The following ACOT7 variants were observed in gnomAD, a reference collection of about 807,000 sequenced individuals.
ACOT7 encodes the protein cytosolic acyl coenzyme A thioester hydrolase.
ACOT7 carries 12 observed loss-of-function variants against 40.2 expected under a neutral mutation model. That is an observed-to-expected ratio of 0.30 (90% CI 0.19 to 0.48). The LOEUF is 0.48. Ranked by LOEUF, ACOT7 falls within the 20% of genes least tolerant of loss-of-function variation. ACOT7 has a pLI of 0.99. For missense variants in ACOT7, 395 were observed against 530.8 expected (o/e 0.74, Z 2.51); for synonymous variants, 228 against 219.5 (o/e 1.04, Z -0.34).
At chr1:6,315,942 T>A (rs1052679849) in intron 6 of ACOT7, among the ~76,000 whole-genome samples, 2 of 152,100 alleles carry the variant, frequency 1.3e-5, no homozygotes, top group Non-Finnish European at 2.9e-5. Flanking sequence ...GAACATGACA[T>A]GCTGCGGACT....
At chr1:6,337,159 T>C (rs1246279781) in intron 3 of ACOT7, among the ~76,000 whole-genome samples, 2 of 151,948 alleles carry the variant, frequency 1.3e-5, no homozygotes, top group Non-Finnish European at 2.9e-5. Context: ...GGAGGAGGGG[T>C]GGGCATCTCT....
At position 6,330,471 on chromosome 1, in the gene ACOT7, G is replaced by A. The variant is rs60318219; in HGVS notation, c.510+3006C>T. On this transcript the variant is annotated intron_variant, in intron 4 of 8. Coordinates refer to ENST00000361521, the MANE Select transcript of ACOT7 (RefSeq NM_007274.4). This position sits in a 1 kb window ranked among gnomAD's most constrained non-coding sequence, Gnocchi z 4.6. ...TGAACAACAGCTGCAGCTGAGAACCGTGCAGCCTCTCCCATCTGCGGCTCC... is the reference window on the plus strand; with the variant it reads ...TGAACAACAGCTGCAGCTGAGAACCATGCAGCCTCTCCCATCTGCGGCTCC... Among the ~76,000 whole-genome samples the A allele has an allele frequency of 0.079, 12,001 of 152,188 alleles. 1,132 individuals carry two copies. The highest frequency in any genetic ancestry group is 0.23 in the African/African-American group (9,425 of 41,502).
chr1:6,333,460 T>G lies in ACOT7; in HGVS notation c.510+17A>C, dbSNP rs1161351550. ...CTGCCATCTGCCCCCAAGAGAGAAG[T>G]AGAAAGGGCACCTTACCACAACAGG... On this transcript the variant is annotated intron_variant, in intron 4 of 8. Coordinates refer to ENST00000361521, the MANE Select transcript of ACOT7 (RefSeq NM_007274.4). 1 of 1,613,742 alleles carries G rather than the reference T, an allele frequency of 6.2e-7. No individual in the cohort carries two copies. Among genetic ancestry groups the G allele is most frequent in the African/African-American group, 1.3e-5 (1 of 74,970 alleles).
chr1:6,301,624 G>T lies in ACOT7; in HGVS notation c.713-6644C>A, dbSNP rs192714806. Among the ~76,000 whole-genome samples, 249 of 152,332 alleles carry T rather than the reference G, an allele frequency of 1.6e-3. No homozygotes were observed. Among genetic ancestry groups the T allele is most frequent in the Non-Finnish European group, 2.9e-3 (200 of 68,034 alleles). ...CTCAGGAAATGGTTGCTGAATGAAT[G>T]AATTAATCAATGAATGAATGCAGGT... On this transcript the variant is annotated intron_variant, in intron 6 of 8. Coordinates refer to ENST00000361521, the MANE Select transcript of ACOT7 (RefSeq NM_007274.4). This position sits in a 1 kb window ranked among gnomAD's most constrained non-coding sequence, Gnocchi z 4.1.
chr1:6,373,813 C>T (rs1455540155), intron 1 of ACOT7, among the ~76,000 whole-genome samples: 1 of 150,834 alleles, frequency 6.6e-6, no homozygotes, highest in African/African-American at 2.4e-5. Flanking sequence ...TGCAGTGAGC[C>T]GAGATCGTGC....
chr1:6,288,452 A>C lies in ACOT7; in HGVS notation c.829+6412T>G, dbSNP rs1639568777. ...GCAAAGGTGTAAGGGGACAGCTATG[A>C]CAAGTGGCAGCCTGTCCTAGCAGAC... On this transcript the variant is annotated intron_variant, in intron 7 of 8. Coordinates refer to ENST00000361521, the MANE Select transcript of ACOT7 (RefSeq NM_007274.4). This position sits in a 1 kb window ranked among gnomAD's most constrained non-coding sequence, Gnocchi z 4.3. 6.6e-6 allele frequency among the ~76,000 whole-genome samples: 1 copy of C among 152,180 alleles called. No individual in the cohort carries two copies. Among genetic ancestry groups the C allele is most frequent in the South Asian group, 2.1e-4 (1 of 4,826 alleles).
intron 2 of ACOT7, 150 bp from the exon 3 acceptor site, chr1:6,339,739 G>GTTTTTTTTTTTTT (rs57275707): frequency 2.0e-6 from 1 of 488,146 alleles, no homozygotes; most frequent in Non-Finnish European, 3.3e-6. Flanking sequence ...TGGCACCGCG[G>GTTTTTTTTTTTTT]TTTTTTTTTT....
At chr1:6,268,326 C>T (rs1354462762) in intron 8 of ACOT7, among the ~76,000 whole-genome samples, 1 of 152,150 alleles carries the variant, frequency 6.6e-6, no homozygotes, top group Non-Finnish European at 1.5e-5. Flanking sequence ...ACGCATAAGA[C>T]TGGCCCTGAG....
chr1:6,306,959 C>G lies in ACOT7; in HGVS notation c.712+11533G>C, dbSNP rs948047684. ...AACAAGAGCGTCTTGGTGGAGGCCT[C>G]ACTTGCGTCCCCTCCCATGTTTTCT... On this transcript the variant is annotated intron_variant, in intron 6 of 8. Transcript: ENST00000361521. This position sits in a 1 kb window ranked among gnomAD's most constrained non-coding sequence, Gnocchi z 4.3. The G allele has an allele frequency of 7.1e-6, 9 of 1,267,184 alleles. No homozygotes were observed. The highest frequency in any genetic ancestry group is 4.6e-5 in the Admixed American group (2 of 43,404). The allele number at this position is 1,267,184 out of a possible 1,614,324, so 78.5% of individuals were successfully genotyped here. A position where few individuals can be genotyped will look rare whatever the true frequency, so the allele number is the denominator to read the frequency against.
intron 8 of ACOT7, among the ~76,000 whole-genome samples, 179 bp downstream of exon 8, chr1:6,280,923 C>A (rs1296291232): frequency 6.6e-6 from 1 of 152,180 alleles, no homozygotes; most frequent in Non-Finnish European, 1.5e-5. Context: ...CAAGGCCTCA[C>A]CGGATCAGCC....
intron 7 of ACOT7, among the ~76,000 whole-genome samples, chr1:6,290,632 A>G (rs950466379): frequency 1.3e-5 from 2 of 152,222 alleles, no homozygotes; most frequent in African/African-American, 2.4e-5. Flanking sequence ...CAACACAAAG[A>G]ACTGCAACCC....
rs34990815 is a variant in ACOT7 at position 6,275,716 on chromosome 1, C to CAA, written c.1014+5384_1014+5385dup. ...TGGGCGACAGAGTGAGGCTCCGTCT[C>CAA]AAAAAAAAAAAAAAAAAAAAAAAAA... On this transcript the variant is annotated intron_variant, in intron 8 of 8. Coordinates refer to ENST00000361521, the MANE Select transcript of ACOT7 (RefSeq NM_007274.4). The surrounding 1 kb of genome is among the most constrained non-coding windows in gnomAD (Gnocchi z 5.6). Among the ~76,000 whole-genome samples the CAA allele has an allele frequency of 3.6e-3, 199 of 55,078 alleles. 2 individuals are homozygous for CAA. Among genetic ancestry groups the CAA allele is most frequent in the Non-Finnish European group, 4.0e-3 (112 of 28,044 alleles). The allele number at this position is 55,078 out of a possible 152,430, so 36.1% of individuals were successfully genotyped here.
At chr1:6,371,513 C>T (rs1642133715) in intron 1 of ACOT7, among the ~76,000 whole-genome samples, 2 of 151,990 alleles carry the variant, frequency 1.3e-5, no homozygotes, top group Admixed American at 6.6e-5. Flanking sequence ...CAGGCAAGTG[C>T]CACCACACTC....
chr1:6,265,392 A>C (rs1638801427), intron 8 of ACOT7, among the ~76,000 whole-genome samples: 1 of 152,200 alleles, frequency 6.6e-6, no homozygotes, highest in African/African-American at 2.4e-5. Flanking sequence ...CCCGCCCCGT[A>C]CTGGGAGCAA....
intron 1 of ACOT7, among the ~76,000 whole-genome samples, chr1:6,353,401 G>A (rs1468455628): frequency 1.3e-5 from 2 of 152,106 alleles, no homozygotes; most frequent in African/African-American, 4.8e-5. Context: ...AGAGGCCGAG[G>A]CGGGGGCGGA....
At chr1:6,345,795 C>T (rs1571328372) in intron 2 of ACOT7, among the ~76,000 whole-genome samples, 1 of 152,260 alleles carries the variant, frequency 6.6e-6, no homozygotes. Context: ...AAGAACAGTG[C>T]CTGTCTCAGC....
At position 6,370,245 on chromosome 1, in the gene ACOT7, CAGA is replaced by C. The variant is rs1269645827; in HGVS notation, c.144-20382_144-20380del. Among the ~76,000 whole-genome samples the C allele has an allele frequency of 1.1e-4, 16 of 152,220 alleles. No individual in the cohort carries two copies. The East Asian group carries it at 2.7e-3, about 26-fold the overall frequency. ...AGTAGAAGTGGCCTGAGTCCCTCGC[CAGA>C]AGAAGATGCTGGTGCCATGCTTCCT... On this transcript the variant is annotated intron_variant, in intron 1 of 8. Transcript: ENST00000361521.
intron 6 of ACOT7, among the ~76,000 whole-genome samples, chr1:6,305,231 G>A (rs1340874928): frequency 2.0e-5 from 3 of 149,472 alleles, no homozygotes; most frequent in African/African-American, 5.0e-5. Context: ...CGGACGGGGC[G>A]GCGGGCCGGG....
At chr1:6,338,000 CAAAAAA>C (rs769360339) in intron 3 of ACOT7, among the ~76,000 whole-genome samples, 11,249 of 71,646 alleles carry the variant, frequency 0.16, 808 homozygotes, top group African/African-American at 0.27. Context: ...GACACCATCT[CAAAAAA>C]AAAAAAAAAA....
Sources: allele counts gnomAD v4.1 joint callset (sites outside exome capture counted in the v4.1 genomes callset), GRCh38; gene constraint gnomAD v4.1.1; non-coding constraint Gnocchi (gnomAD v3.1); transcripts MANE v1.5; gene names NCBI Gene and HGNC (gene_info 2026-07-23, HGNC 2026-07-21).